Variants in ZMYND11 observed in about 807,000 individuals in gnomAD.
The protein encoded by ZMYND11 is zinc finger MYND domain-containing protein 11.
Under a neutral mutation model 84.9 loss-of-function variants are expected in ZMYND11, and 9 were observed. The observed-to-expected ratio is 0.11, with a 90% CI of 0.06 to 0.18. ZMYND11 has a LOEUF of 0.18. Ranked by LOEUF, ZMYND11 falls within the 10% of genes least tolerant of loss-of-function variation. ZMYND11 has a pLI of 1.00. For missense variants in ZMYND11, 409 were observed against 761.0 expected, an observed-to-expected ratio of 0.54 and a Z score of 5.44; for synonymous variants, 250 against 244.1, an observed-to-expected ratio of 1.02 and a Z score of -0.23.
intron 4 of ZMYND11, among the ~76,000 whole-genome samples, chr10:230,249 C>T (rs918987789): frequency 1.3e-5 from 2 of 152,024 alleles, no homozygotes; most frequent in Non-Finnish European, 1.5e-5. Context: ...CCGAGGCGGG[C>T]GGATCATGAG....
intron 3 of ZMYND11, among the ~76,000 whole-genome samples, chr10:216,210 C>T (rs573927342): frequency 3.3e-5 from 5 of 152,272 alleles, no homozygotes; most frequent in South Asian, 2.1e-4. Flanking sequence ...CAAGCAGGGG[C>T]GCCCTTGCGT....
At chr10:143,982 C>T (rs1339849228) in intron 1 of ZMYND11, among the ~76,000 whole-genome samples, 2 of 147,696 alleles carry the variant, frequency 1.4e-5, no homozygotes, top group East Asian at 2.0e-4. Flanking sequence ...ACAGCCTGGG[C>T]CACAGAGCAA....
At chr10:212,817 C>T (rs879896355) in intron 3 of ZMYND11, among the ~76,000 whole-genome samples, 1 of 152,146 alleles carries the variant, frequency 6.6e-6, no homozygotes, top group Non-Finnish European at 1.5e-5. Flanking sequence ...AAATTCTACT[C>T]AGGGTCTTTT....
rs903538810 is a variant in ZMYND11 at position 252,593 on chromosome 10, C to T, written c.*123C>T. 7.2e-6 allele frequency: 10 copies of T among 1,381,682 alleles called. No homozygotes were observed. In the East Asian group the frequency reaches 7.6e-5, roughly 10 times the overall value. 85.6% of individuals were successfully genotyped at this position (1,381,682 alleles called of 1,614,324 possible). On this transcript the variant is annotated 3_prime_UTR_variant, in exon 15 of 15. Transcript: ENST00000381604. The surrounding 1 kb of genome is among the most constrained non-coding windows in gnomAD (Gnocchi z 4.6). Reference sequence around the variant, plus strand: ...TTTGCACCAGCCTTTAAACACTTTTCGTGAAGAAATTTTGCACAGTAGTTT... The same window carrying T: ...TTTGCACCAGCCTTTAAACACTTTTTGTGAAGAAATTTTGCACAGTAGTTT...
chr10:215,259 C>T (rs1374076900), intron 3 of ZMYND11, among the ~76,000 whole-genome samples: 1 of 151,892 alleles, frequency 6.6e-6, no homozygotes, highest in Non-Finnish European at 1.5e-5. Flanking sequence ...GGTCTCACAG[C>T]CTCATTTCCT....
intron 1 of ZMYND11, among the ~76,000 whole-genome samples, chr10:139,522 A>T (rs1211072467): frequency 6.6e-6 from 1 of 152,166 alleles, no homozygotes; most frequent in African/African-American, 2.4e-5. Flanking sequence ...GAGGTTGTTC[A>T]TCAGGTTTTC....
At chr10:151,757 T>C (rs1564274070) in intron 1 of ZMYND11, among the ~76,000 whole-genome samples, 1 of 151,942 alleles carries the variant, frequency 6.6e-6, no homozygotes, top group Non-Finnish European at 1.5e-5. Context: ...CCGAGACACA[T>C]AATTGTCAGA....
chr10:183,106 G>A (rs1848218342), intron 2 of ZMYND11, among the ~76,000 whole-genome samples: 1 of 152,046 alleles, frequency 6.6e-6, no homozygotes, highest in Admixed American at 6.5e-5. Context: ...GTGGGCTTTG[G>A]GGTGACTGGC....
chr10:247,543 T>A, intron 12 of ZMYND11, 77 bp downstream of exon 12: 1 of 1,467,004 alleles, frequency 6.8e-7, no homozygotes, highest in Non-Finnish European at 9.4e-7. Flanking sequence ...ATTTTCAAAG[T>A]ATTTCAAAGA....
At chr10:138,121 T>C (rs1836578123) in intron 1 of ZMYND11, among the ~76,000 whole-genome samples, 1 of 151,176 alleles carries the variant, frequency 6.6e-6, no homozygotes, top group Non-Finnish European at 1.5e-5. Flanking sequence ...TTTTTTTTTT[T>C]TTTTTTGAGA....
At chr10:232,262 A>T (rs2131599118) in intron 4 of ZMYND11, among the ~76,000 whole-genome samples, 1 of 152,320 alleles carries the variant, frequency 6.6e-6, no homozygotes, top group African/African-American at 2.4e-5. Flanking sequence ...ACGCCACAGA[A>T]AGTGGCTCCA....
intron 1 of ZMYND11, among the ~76,000 whole-genome samples, chr10:174,109 G>C (rs968486492): frequency 1.3e-5 from 2 of 152,186 alleles, no homozygotes; most frequent in South Asian, 2.1e-4. Flanking sequence ...GCACATGGAT[G>C]TTTATAGCAG....
At chr10:172,538 CTAAT>C (rs1430296950) in intron 1 of ZMYND11, among the ~76,000 whole-genome samples, 1 of 152,086 alleles carries the variant, frequency 6.6e-6, no homozygotes, top group Non-Finnish European at 1.5e-5. Flanking sequence ...AGGTAGAAAT[CTAAT>C]AAATTGTGGA....
chr10:144,391 G>A (rs564677128), intron 1 of ZMYND11, among the ~76,000 whole-genome samples: 2 of 152,016 alleles, frequency 1.3e-5, no homozygotes, highest in East Asian at 3.9e-4. Context: ...GCTAATTTTT[G>A]TATTTTTTTG....
intron 11 of ZMYND11, 31 bp from the exon 12 acceptor site, chr10:247,367 G>T: frequency 6.2e-7 from 1 of 1,611,086 alleles, no homozygotes; most frequent in East Asian, 2.2e-5. Context: ...CTAGTGTCTG[G>T]AATAATATAT....
At chr10:235,636 C>G (rs930236499) in intron 4 of ZMYND11, among the ~76,000 whole-genome samples, 2 of 152,188 alleles carry the variant, frequency 1.3e-5, no homozygotes, top group Non-Finnish European at 2.9e-5. Context: ...TAGTCCATAT[C>G]TCTGATGCGA....
intron 5 of ZMYND11, 44 bp downstream of exon 5, chr10:236,959 T>C (rs768732031): frequency 2.1e-5 from 32 of 1,532,794 alleles, no homozygotes; most frequent in Admixed American, 5.3e-5. Flanking sequence ...CCAAAACACA[T>C]TTTACTATGG....
chr10:197,797 ATGTTAT>A, intron 2 of ZMYND11: 1 of 368,048 alleles, frequency 2.7e-6, no homozygotes, highest in South Asian at 8.0e-5. Context: ...TTTAATTGAA[ATGTTAT>A]TGTTATGTAA....
intron 1 of ZMYND11, among the ~76,000 whole-genome samples, chr10:167,323 G>T (rs1844236224): frequency 6.6e-6 from 1 of 151,992 alleles, no homozygotes; most frequent in Non-Finnish European, 1.5e-5. Context: ...CTTCAAATGG[G>T]TGAATTGTAT....
Sources: gnomAD v4.1 joint callset for allele counts (sites outside exome capture counted in the v4.1 genomes callset) on GRCh38, gnomAD v4.1.1 for gene constraint, Gnocchi (gnomAD v3.1) non-coding constraint, MANE v1.5 for transcripts, NCBI Gene and HGNC (gene_info 2026-07-23, HGNC 2026-07-21) for gene names.